Variants in NR3C1 observed in about 807,000 individuals in gnomAD.
NR3C1 encodes nuclear receptor subfamily 3 group C member 1.
Under a neutral mutation model 74.0 loss-of-function variants are expected in NR3C1, and 14 were observed. That is an observed-to-expected ratio of 0.19 (90% CI 0.12 to 0.30). The LOEUF (loss-of-function observed/expected upper bound fraction) is 0.30, where lower values mean the gene tolerates loss of function less well. NR3C1 is among the 10% of genes least tolerant of loss of function. The pLI, the probability that NR3C1 is intolerant of heterozygous loss-of-function variation, is 1.00. For missense variants in NR3C1, 695 were observed against 909.8 expected (o/e 0.76, Z 3.04); for synonymous variants, 308 against 332.5 (o/e 0.93, Z 0.80).
chr5:143,291,834 C>T (rs948387566), intron 7 of NR3C1, among the ~76,000 whole-genome samples: 3 of 152,154 alleles, frequency 2.0e-5, no homozygotes, highest in South Asian at 2.1e-4. Flanking sequence ...CATCTCTCTG[C>T]GTACATCACT....
intron 2 of NR3C1, among the ~76,000 whole-genome samples, chr5:143,381,786 G>T (rs1836297148): frequency 6.6e-6 from 1 of 152,116 alleles, no homozygotes; most frequent in South Asian, 2.1e-4. Flanking sequence ...AATAAAAATG[G>T]ACTAAAGCCC....
intron 2 of NR3C1, among the ~76,000 whole-genome samples, chr5:143,351,995 A>G (rs981891913): frequency 1.3e-5 from 2 of 152,186 alleles, no homozygotes; most frequent in Non-Finnish European, 2.9e-5. Flanking sequence ...TGTTCTAAAG[A>G]TGACCTAATA....
chr5:143,297,820 T>C (rs1037574978), intron 6 of NR3C1, among the ~76,000 whole-genome samples: 2 of 151,684 alleles, frequency 1.3e-5, no homozygotes, highest in African/African-American at 4.8e-5. Context: ...AGTCTAAGAG[T>C]ATGCTGGAAA....
At chr5:143,404,299 G>C (rs1318692253), upstream of NR3C1, 7 of 985,498 alleles carry the variant, frequency 7.1e-6, no homozygotes, top group Middle Eastern at 5.2e-4. Flanking sequence ...GGCCGCGCTC[G>C]GGGCCGGGCG....
chr5:143,285,327 AG>A (rs1208370025), intron 7 of NR3C1, among the ~76,000 whole-genome samples: 1 of 152,132 alleles, frequency 6.6e-6, no homozygotes, highest in Non-Finnish European at 1.5e-5. Flanking sequence ...CTCAAAAGGG[AG>A]GGGGAGATTT....
chr5:143,283,058 G>A (rs902479566), intron 7 of NR3C1, among the ~76,000 whole-genome samples: 9 of 152,080 alleles, frequency 5.9e-5, no homozygotes, highest in Admixed American at 5.2e-4. Flanking sequence ...TTTTTTTGTA[G>A]AGACAGGATC....
chr5:143,279,568 A>T lies in NR3C1; in HGVS notation c.*2321T>A. The T allele has an allele frequency of 1.8e-6, 1 of 541,988 alleles. No homozygotes were observed. Among genetic ancestry groups the T allele is most frequent in the Non-Finnish European group, 2.9e-6 (1 of 347,562 alleles). 33.6% of individuals were successfully genotyped at this position (541,988 alleles called of 1,614,324 possible). A position where few individuals can be genotyped will look rare whatever the true frequency, so the allele number is the denominator to read the frequency against. On this transcript the variant is annotated 3_prime_UTR_variant, in exon 9 of 9. Coordinates refer to ENST00000394464, the MANE Select transcript of NR3C1 (RefSeq NM_000176.3). ...TTACATTCCCTTTTAGAGAGCATTC[A>T]AAAAGCAAATGATTGTTTTTTTATT...
At chr5:143,305,743 G>C (rs1819461689) in intron 4 of NR3C1, among the ~76,000 whole-genome samples, 1 of 152,176 alleles carries the variant, frequency 6.6e-6, no homozygotes, top group South Asian at 2.1e-4. Context: ...AGGGGGGATA[G>C]AGGAAGGGAG....
At chr5:143,367,427 A>C (rs1215508705) in intron 2 of NR3C1, among the ~76,000 whole-genome samples, 4 of 152,230 alleles carry the variant, frequency 2.6e-5, no homozygotes, top group African/African-American at 4.8e-5. Flanking sequence ...CAAGAAAAAG[A>C]AGTAAAAAAT....
chr5:143,327,809 C>CGCCCCTGTGGCTCAGCAGGGT (rs1824967950), intron 2 of NR3C1, among the ~76,000 whole-genome samples: 1 of 152,366 alleles, frequency 6.6e-6, no homozygotes, highest in African/African-American at 2.4e-5. Flanking sequence ...TGGGCAGCTC[C>CGCCCCTGTGGCTCAGCAGGGT]GCCCCTGTGG....
At position 143,300,608 on chromosome 5, in the gene NR3C1, C is replaced by T; in HGVS notation, c.1624G>A (p.Glu542Lys). Residue 542 changes from glutamate to lysine, a missense_variant, in exon 5 of 9, where the codon GAA becomes AAA. Coordinates refer to ENST00000394464, the MANE Select transcript of NR3C1 (RefSeq NM_000176.3). The surrounding 1 kb of genome is among the most constrained non-coding windows in gnomAD (Gnocchi z 5.2). ...LVSLLEVIEP[E>K]VLYAGYDSSV... ...CTATCATATCCTGCATATAACACTT[C>T]AGGTTCAATAACCTCCAACAGTGAC... 6.2e-7 allele frequency: 1 copy of T among 1,614,190 alleles called. No homozygotes were observed. The highest frequency in any genetic ancestry group is 8.5e-7 in the Non-Finnish European group (1 of 1,180,012).
chr5:143,374,734 C>T (rs1834862203), intron 2 of NR3C1, among the ~76,000 whole-genome samples: 1 of 152,156 alleles, frequency 6.6e-6, no homozygotes, highest in African/African-American at 2.4e-5. Flanking sequence ...CAACACTTCA[C>T]CTTGCCAGGC....
intron 3 of NR3C1, 116 bp downstream of exon 3, chr5:143,313,886 C>T: frequency 1.9e-6 from 2 of 1,072,022 alleles, no homozygotes; most frequent in South Asian, 1.3e-5. Flanking sequence ...CCTCCTCTCC[C>T]CTCTTAACTG....
At chr5:143,318,268 C>T (rs1277546714) in intron 2 of NR3C1, among the ~76,000 whole-genome samples, 2 of 152,008 alleles carry the variant, frequency 1.3e-5, no homozygotes, top group Non-Finnish European at 2.9e-5. Flanking sequence ...TTATAGATTG[C>T]CTTTTCTGAT....
At chr5:143,363,001 C>G (rs1056650537) in intron 2 of NR3C1, among the ~76,000 whole-genome samples, 3 of 152,124 alleles carry the variant, frequency 2.0e-5, no homozygotes, top group African/African-American at 7.2e-5. Flanking sequence ...AGGCTCCAAA[C>G]TCTCACCACC....
chr5:143,307,187 C>T (rs536054682), intron 4 of NR3C1, among the ~76,000 whole-genome samples: 4 of 152,096 alleles, frequency 2.6e-5, no homozygotes, highest in Non-Finnish European at 5.9e-5. Context: ...TGAGCCACCG[C>T]GCCCAACCGT....
intron 1 of NR3C1, among the ~76,000 whole-genome samples, chr5:143,427,855 G>C (rs1751613982): frequency 6.6e-6 from 1 of 152,170 alleles, no homozygotes; most frequent in African/African-American, 2.4e-5. Flanking sequence ...TTATCTATAA[G>C]AGGGTTTTAA....
intron 2 of NR3C1, among the ~76,000 whole-genome samples, chr5:143,394,768 T>C (rs568571670): frequency 6.6e-6 from 1 of 152,116 alleles, no homozygotes; most frequent in South Asian, 2.1e-4. Context: ...GTAATTCTGA[T>C]TGATGCATTC....
chr5:143,365,547 AAAC>A lies in NR3C1; in HGVS notation c.1184+34106_1184+34108del, dbSNP rs1833040603. Among the ~76,000 whole-genome samples the A allele has an allele frequency of 1.3e-5, 2 of 152,250 alleles. 1 individual carries two copies. The highest frequency in any genetic ancestry group is 4.1e-4 in the South Asian group (2 of 4,834). ...AAGCAAAAAGTGACAGAACTGAAGA[AAAC>A]AATAAACAATTCAGCAATATTAGTT... On this transcript the variant is annotated intron_variant, in intron 2 of 8. Transcript: ENST00000394464.
Sources: allele counts gnomAD v4.1 joint callset (sites outside exome capture counted in the v4.1 genomes callset), GRCh38; gene constraint gnomAD v4.1.1; non-coding constraint Gnocchi (gnomAD v3.1); transcripts MANE v1.5; gene names NCBI Gene and HGNC (gene_info 2026-07-23, HGNC 2026-07-21).